Variants in RBPMS observed in about 807,000 individuals in gnomAD.
RBPMS encodes RNA-binding protein with multiple splicing.
Under a neutral mutation model 26.8 loss-of-function variants are expected in RBPMS, and 7 were observed. The ratio of observed to expected loss-of-function variants is 0.26; its 90% CI spans 0.15 to 0.49. The LOEUF (loss-of-function observed/expected upper bound fraction) is 0.49. Among genes scored for constraint, RBPMS ranks in the 20% least tolerant of loss-of-function variants. The probability of loss-of-function intolerance (pLI) is 0.98; values close to 1 mark genes in which losing one functional copy is unlikely to be tolerated. For synonymous variants in RBPMS, 96 were observed against 93.3 expected (o/e 1.03, Z -0.17); for missense variants, 186 against 250.0 (o/e 0.74, Z 1.73).
At chr8:30,487,005 T>C (rs983882902) in intron 4 of RBPMS, among the ~76,000 whole-genome samples, 1 of 152,238 alleles carries the variant, frequency 6.6e-6, no homozygotes, top group African/African-American at 2.4e-5. Flanking sequence ...GAAAGTGCTA[T>C]GAATCTAATT....
chr8:30,562,894 G>A (rs1393723414), intron 7 of RBPMS, among the ~76,000 whole-genome samples: 1 of 152,158 alleles, frequency 6.6e-6, no homozygotes, highest in African/African-American at 2.4e-5. Context: ...GGACTTCTTA[G>A]TGCTAAAGAG....
chr8:30,421,066 G>A (rs1001899319), intron 1 of RBPMS, among the ~76,000 whole-genome samples: 7 of 152,154 alleles, frequency 4.6e-5, no homozygotes, highest in Admixed American at 1.3e-4. Context: ...GTGCTGAATT[G>A]TGAAGATGAT....
intron 8 of RBPMS, among the ~76,000 whole-genome samples, chr8:30,567,806 TGA>T (rs1487984981): frequency 6.6e-6 from 1 of 152,214 alleles, no homozygotes; most frequent in East Asian, 1.9e-4. Flanking sequence ...CAGATGTGCC[TGA>T]GAGAGCGGCA....
chr8:30,417,681 A>G (rs1810256995), intron 1 of RBPMS, among the ~76,000 whole-genome samples: 1 of 152,162 alleles, frequency 6.6e-6, no homozygotes, highest in South Asian at 2.1e-4. Flanking sequence ...ACATGTCTGT[A>G]AATATGTCTT....
intron 5 of RBPMS, among the ~76,000 whole-genome samples, chr8:30,515,443 G>C (rs1354731209): frequency 6.6e-6 from 1 of 152,136 alleles, no homozygotes; most frequent in South Asian, 2.1e-4. Flanking sequence ...TGACCAGCTA[G>C]ATGCATGTCT....
chr8:30,486,319 G>T (rs536237590), intron 4 of RBPMS, among the ~76,000 whole-genome samples: 2 of 151,320 alleles, frequency 1.3e-5, no homozygotes, highest in South Asian at 2.1e-4. Context: ...CAGCCTGGAT[G>T]ACAGAGCGAG....
chr8:30,486,466 A>G (rs1354552957), intron 4 of RBPMS, among the ~76,000 whole-genome samples: 1 of 146,432 alleles, frequency 6.8e-6, no homozygotes, highest in East Asian at 1.9e-4. Flanking sequence ...TACTAAAAGT[A>G]CAAAAAAAAA....
chr8:30,501,931 G>A (rs918662373), intron 4 of RBPMS, among the ~76,000 whole-genome samples: 3 of 151,130 alleles, frequency 2.0e-5, no homozygotes, highest in African/African-American at 7.3e-5. Context: ...CCCTTTTCCT[G>A]CCCCTCTTTT....
intron 1 of RBPMS, among the ~76,000 whole-genome samples, chr8:30,464,600 C>G (rs1397532934): frequency 6.6e-6 from 1 of 152,182 alleles, no homozygotes; most frequent in Non-Finnish European, 1.5e-5. Flanking sequence ...AAACTGTAAA[C>G]TGCCAATGTC....
At chr8:30,525,652 A>C (rs1473612698) in intron 5 of RBPMS, among the ~76,000 whole-genome samples, 1 of 152,254 alleles carries the variant, frequency 6.6e-6, no homozygotes, top group African/African-American at 2.4e-5. Context: ...TACTCCTTTC[A>C]GTGAATCAGT....
rs1820868361 is a variant in RBPMS at position 30,504,324 on chromosome 8, A to G, written c.285A>G (p.Arg95=). Residue 95 remains arginine, a synonymous_variant, in exon 5 of 9, where the codon CGA becomes CGG. Transcript: ENST00000397323. ...RFDPEIPQTL[R]LEFAKANTKM... ...ATCCTGAAATTCCGCAAACACTACGACTAGAGTTTGCTAAGGCAAACACGA... is the reference window on the plus strand; with the variant it reads ...ATCCTGAAATTCCGCAAACACTACGGCTAGAGTTTGCTAAGGCAAACACGA... 5 of 1,614,148 alleles carry G rather than the reference A, an allele frequency of 3.1e-6. No individual in the cohort carries two copies. Among genetic ancestry groups the G allele is most frequent in the Non-Finnish European group, 4.2e-6 (5 of 1,179,980 alleles).
intron 1 of RBPMS, among the ~76,000 whole-genome samples, chr8:30,423,298 C>T (rs918921893): frequency 6.6e-6 from 1 of 152,132 alleles, no homozygotes; most frequent in Non-Finnish European, 1.5e-5. Flanking sequence ...TCATGTGTTC[C>T]GGCACCTTGT....
chr8:30,451,352 G>T (rs1163510401), intron 1 of RBPMS, among the ~76,000 whole-genome samples: 1 of 152,200 alleles, frequency 6.6e-6, no homozygotes, highest in African/African-American at 2.4e-5. Context: ...AATTGCTTCA[G>T]CCATTGACAT....
At chr8:30,500,440 C>T (rs1442724712) in intron 4 of RBPMS, among the ~76,000 whole-genome samples, 2 of 149,928 alleles carry the variant, frequency 1.3e-5, no homozygotes, top group East Asian at 3.9e-4. Context: ...CTAAATGAGT[C>T]ATTCCATTGT....
At chr8:30,542,092 G>A (rs981996142) in intron 5 of RBPMS, among the ~76,000 whole-genome samples, 1 of 152,172 alleles carries the variant, frequency 6.6e-6, no homozygotes, top group African/African-American at 2.4e-5. Flanking sequence ...TGTATCAAGG[G>A]ATTTATCAAG....
intron 1 of RBPMS, among the ~76,000 whole-genome samples, chr8:30,393,955 T>C (rs1439999159): frequency 1.7e-5 from 2 of 116,416 alleles, no homozygotes; most frequent in Non-Finnish European, 3.5e-5. Flanking sequence ...TTAACTCTAC[T>C]GCACCTATTA....
chr8:30,385,164 G>A lies in RBPMS; in HGVS notation c.66+6G>A, dbSNP rs371544686. On this transcript the variant is annotated splice_donor_region_variant and intron_variant, in intron 1 of 8. Coordinates refer to ENST00000397323, the MANE Select transcript of RBPMS (RefSeq NM_001008710.3). Reference sequence around the variant, plus strand: ...CCAACCTTCAGGAGGAGGAGGTACTGGGCGGCTCGGTGTGGTGGCGGGGGC... The same window carrying A: ...CCAACCTTCAGGAGGAGGAGGTACTAGGCGGCTCGGTGTGGTGGCGGGGGC... The A allele has an allele frequency of 1.3e-5, 20 of 1,495,030 alleles. No individual in the cohort carries two copies. In the African/African-American group the frequency reaches 2.6e-4, roughly 20 times the overall value. 92.6% of individuals were successfully genotyped at this position (1,495,030 alleles called of 1,614,324 possible).
At chr8:30,515,682 G>T (rs1822233099) in intron 5 of RBPMS, among the ~76,000 whole-genome samples, 1 of 151,956 alleles carries the variant, frequency 6.6e-6, no homozygotes, top group Admixed American at 6.6e-5. Context: ...AGAGATGGGG[G>T]TCTTACTTTG....
chr8:30,469,769 G>A lies in RBPMS; in HGVS notation c.67-5010G>A, dbSNP rs1302388596. On this transcript the variant is annotated intron_variant, in intron 1 of 8. Coordinates refer to ENST00000397323, the MANE Select transcript of RBPMS (RefSeq NM_001008710.3). Reference sequence around the variant, plus strand: ...TTTGACCTGCTGCAAAGTTCAGTTGGCGTAGTAATTCATTTGTTATTTTTG... The same window carrying A: ...TTTGACCTGCTGCAAAGTTCAGTTGACGTAGTAATTCATTTGTTATTTTTG... Among the ~76,000 whole-genome samples, 9 of 152,220 alleles carry A rather than the reference G, an allele frequency of 5.9e-5. No homozygotes were observed. The East Asian group carries it at 7.7e-4, about 13-fold the overall frequency.
Sources: gnomAD v4.1 joint callset for allele counts (sites outside exome capture counted in the v4.1 genomes callset) on GRCh38, gnomAD v4.1.1 for gene constraint, MANE v1.5 for transcripts, NCBI Gene and HGNC (gene_info 2026-07-23, HGNC 2026-07-21) for gene names.